SPAG9: variants seen among roughly 807,000 people sequenced by gnomAD.
The protein encoded by SPAG9 is sperm associated antigen 9.
SPAG9 carries 35 observed loss-of-function variants against 166.5 expected under a neutral mutation model. The observed-to-expected ratio is 0.21, with a 90% CI of 0.16 to 0.28. The LOEUF (loss-of-function observed/expected upper bound fraction) is 0.28. SPAG9 is among the 10% of genes least tolerant of loss of function. The pLI, the probability that SPAG9 is intolerant of heterozygous loss-of-function variation, is 1.00. For synonymous variants in SPAG9, 534 were observed against 565.5 expected (o/e 0.94, Z 0.79); for missense variants, 1,235 against 1,603.3 (o/e 0.77, Z 3.92).
intron 2 of SPAG9, among the ~76,000 whole-genome samples, chr17:51,069,884 T>G (rs1405194457): frequency 6.6e-6 from 1 of 152,000 alleles, no homozygotes; most frequent in Non-Finnish European, 1.5e-5. Context: ...GCCAACAACA[T>G]TTTTCCATTT....
At chr17:50,998,189 G>A (rs2044763838) in intron 15 of SPAG9, among the ~76,000 whole-genome samples, 1 of 151,504 alleles carries the variant, frequency 6.6e-6, no homozygotes, top group East Asian at 1.9e-4. Context: ...ACACCACCAC[G>A]CCCAGCTAAT....
chr17:51,065,783 C>G (rs1201460060), intron 2 of SPAG9, among the ~76,000 whole-genome samples: 1 of 152,144 alleles, frequency 6.6e-6, no homozygotes, highest in African/African-American at 2.4e-5. Context: ...GTGTGCTACT[C>G]CTAGGCCTGG....
chr17:50,995,323 C>T (rs1384103487), intron 17 of SPAG9, 99 bp from the exon 18 acceptor site: 1 of 1,323,438 alleles, frequency 7.6e-7, no homozygotes. Context: ...GGTCTTATAA[C>T]CTAATATTAT....
At chr17:50,979,940 A>G (rs1424145138) in intron 25 of SPAG9, 23 bp from the exon 26 acceptor site, 2 of 1,602,386 alleles carry the variant, frequency 1.2e-6, no homozygotes, top group Admixed American at 3.3e-5. Context: ...GTCCAATCAC[A>G]AAGTTACTTT....
At chr17:51,026,663 CTTTT>C (rs1395195215) in intron 6 of SPAG9, among the ~76,000 whole-genome samples, 1 of 140,212 alleles carries the variant, frequency 7.1e-6, no homozygotes, top group East Asian at 2.0e-4. Flanking sequence ...GAGCCCTTTT[CTTTT>C]TCTTTTCTTT....
intron 1 of SPAG9, among the ~76,000 whole-genome samples, chr17:51,085,959 A>AT (rs34918673): frequency 0.15 from 12,935 of 88,072 alleles, 1,657 homozygotes; most frequent in African/African-American, 0.21. Flanking sequence ...CTTGGAAATC[A>AT]TTTTTTTTTT....
Position 51,007,108 on chromosome 17 carries a change from A to AGG in SPAG9, c.1271+159_1271+160dup, listed in dbSNP as rs1205255581. ...ACAGGGCAGTGTAGGTCCCAACATT[A>AGG]GGGTGTGTGTGTGTGTGTGTGTGTG... On this transcript the variant is annotated intron_variant, in intron 10 of 29. Transcript: ENST00000262013. Among the ~76,000 whole-genome samples the AGG allele has an allele frequency of 2.2e-3, 309 of 143,052 alleles. 1 individual carries two copies. The highest frequency in any genetic ancestry group is 8.2e-3 in the African/African-American group (286 of 35,060). The allele number at this position is 143,052 out of a possible 152,430, so 93.8% of individuals were successfully genotyped here. A position where few individuals can be genotyped will look rare whatever the true frequency, so the allele number is the denominator to read the frequency against.
At chr17:51,001,237 T>A (rs1014304905) in intron 13 of SPAG9, among the ~76,000 whole-genome samples, 7 of 152,286 alleles carry the variant, frequency 4.6e-5, no homozygotes, top group African/African-American at 1.4e-4. Context: ...CTACAACCAT[T>A]AGATGGCAGC....
chr17:51,099,683 T>C (rs1024282749), intron 1 of SPAG9, among the ~76,000 whole-genome samples: 1 of 147,682 alleles, frequency 6.8e-6, no homozygotes, highest in Non-Finnish European at 1.5e-5. Flanking sequence ...CTGACTTTAA[T>C]TTACAGATCT....
chr17:51,097,636 T>C (rs1269172042), intron 1 of SPAG9, among the ~76,000 whole-genome samples: 1 of 152,068 alleles, frequency 6.6e-6, no homozygotes, highest in Non-Finnish European at 1.5e-5. Flanking sequence ...AGGCTTGAGA[T>C]TGGCATAAGT....
intron 24 of SPAG9, among the ~76,000 whole-genome samples, chr17:50,983,217 C>T (rs766321081): frequency 6.6e-6 from 1 of 152,190 alleles, no homozygotes; most frequent in Non-Finnish European, 1.5e-5. Flanking sequence ...TTTTCAGACA[C>T]CTTTAATTGA....
At chr17:51,020,289 A>G (rs753097559) in intron 7 of SPAG9, 31 bp from the exon 8 acceptor site, 4 of 1,377,902 alleles carry the variant, frequency 2.9e-6, no homozygotes, top group South Asian at 1.2e-5. Flanking sequence ...AATAAACAAT[A>G]CATATATTAC....
In SPAG9 at chr17:51,092,760, AAAAAAAAG is replaced by A. The variant is rs1220192297; in HGVS notation, c.304-13064_304-13057del. On this transcript the variant is annotated intron_variant, in intron 1 of 29. Coordinates refer to ENST00000262013, the MANE Select transcript of SPAG9 (RefSeq NM_001130528.3). ...GAGACCCTTGTCTCTACAAAAAAAA[AAAAAAAAG>A]AAAAAAAGAAAAAGAAAAATTTAGC... is the stretch of plus-strand genomic sequence containing the variant. Among the ~76,000 whole-genome samples the A allele has an allele frequency of 3.6e-3, 516 of 143,414 alleles. 3 individuals are homozygous for A. Among genetic ancestry groups the A allele is most frequent in the African/African-American group, 0.012 (478 of 38,468 alleles). The allele number at this position is 143,414 out of a possible 152,430, so 94.1% of individuals were successfully genotyped here.
Position 50,995,150 on chromosome 17 carries a change from T to C in SPAG9, c.2133A>G (p.Val711=), listed in dbSNP as rs1393930246. ...CCAAACCAGCAACATCCTTGTAAAA[T>C]ACACTTGCTCCAACAACAGAACCAC... ...RDGGSVVGAS[V]FYKDVAGLDT... The change falls in exon 18 of 30, where the codon GTA becomes GTG. Residue 711 remains valine (V), a synonymous_variant. Transcript: ENST00000262013. The C allele has an allele frequency of 2.5e-6, 4 of 1,613,988 alleles. No individual in the cohort carries two copies. Among genetic ancestry groups the C allele is most frequent in the East Asian group, 2.2e-5 (1 of 44,892 alleles).
chr17:51,107,685 C>T (rs1003749442), intron 1 of SPAG9, among the ~76,000 whole-genome samples: 2 of 150,376 alleles, frequency 1.3e-5, no homozygotes, highest in Admixed American at 6.7e-5. Flanking sequence ...TGCAGTGAGC[C>T]GAGATCATGC....
At position 51,118,474 on chromosome 17, in the gene SPAG9, C is replaced by T. The variant is rs2049364390; in HGVS notation, c.303+1880G>A. ...GGCATTTTGCCCATATTTACACGGA[C>T]TGACAGGAGTTTAAGGCTGGAGGGA... On this transcript the variant is annotated intron_variant, in intron 1 of 29. Transcript: ENST00000262013. 2.0e-5 allele frequency among the ~76,000 whole-genome samples: 3 copies of T among 152,146 alleles called. No individual in the cohort carries two copies. The South Asian group carries it at 6.2e-4, about 32-fold the overall frequency.
intron 6 of SPAG9, among the ~76,000 whole-genome samples, chr17:51,028,957 T>A (rs917568793): frequency 2.2e-4 from 34 of 152,172 alleles, no homozygotes; most frequent in Admixed American, 1.4e-3. Context: ...CATTAAGATA[T>A]CTTTTTCAAT....
At chr17:51,073,479 A>C (rs1387590147) in intron 2 of SPAG9, among the ~76,000 whole-genome samples, 1 of 152,104 alleles carries the variant, frequency 6.6e-6, no homozygotes, top group Non-Finnish European at 1.5e-5. Context: ...TAGAGCTGGA[A>C]TGTCTCAAAA....
chr17:51,024,491 C>T (rs977224465), intron 6 of SPAG9, among the ~76,000 whole-genome samples: 3 of 151,732 alleles, frequency 2.0e-5, no homozygotes, highest in Non-Finnish European at 4.4e-5. Context: ...TTTGGGAGGA[C>T]GAGGCAGGCA....
Sources: allele counts gnomAD v4.1 joint callset (sites outside exome capture counted in the v4.1 genomes callset), GRCh38; gene constraint gnomAD v4.1.1; transcripts MANE v1.5; gene names NCBI Gene and HGNC (gene_info 2026-07-23, HGNC 2026-07-21).